Variants in ZNF423 observed in about 807,000 individuals in gnomAD.
The protein encoded by ZNF423 is zinc finger protein 423, also known as Ebf-associated zinc finger protein.
A neutral mutation model predicts 95.8 loss-of-function variants in ZNF423; 12 were observed. That is an observed-to-expected ratio of 0.13 (90% confidence interval 0.08 to 0.20). The LOEUF (loss-of-function observed/expected upper bound fraction) is 0.20, where lower values mean the gene tolerates loss of function less well. Among genes scored for constraint, ZNF423 ranks in the 10% least tolerant of loss-of-function variants. The pLI is 1.00. For synonymous variants in ZNF423, 749 were observed against 711.9 expected (o/e 1.05, Z -0.83); for missense variants, 1,316 against 1,737.1 (o/e 0.76, Z 4.31).
chr16:49,807,822 C>T (rs2143940441), intron 1 of ZNF423, among the ~76,000 whole-genome samples: 1 of 152,332 alleles, frequency 6.6e-6, no homozygotes, highest in East Asian at 1.9e-4. Context: ...ACAGGGTCTG[C>T]CTGGGCACAG....
rs1369900421 is a variant in ZNF423, at chr16:49,487,908, A to ACACGGG, written c.*3366_*3367insCCCGTG. 1.2e-4 allele frequency: 18 copies of ACACGGG among 152,164 alleles called. No individual in the cohort carries two copies. Among genetic ancestry groups the ACACGGG allele is most frequent in the African/African-American group, 3.6e-4 (15 of 41,428 alleles). 9.4% of individuals were successfully genotyped at this position (152,164 alleles called of 1,614,324 possible). On this transcript the variant is annotated 3_prime_UTR_variant, in exon 8 of 8. Transcript: ENST00000563137. ...GTCTCATACACGGGTCCCTCCATTA[A>ACACGGG]TCCCTGGCAGCTTCTGGCTTTGCCA...
At chr16:49,696,767 C>G (rs966196572) in intron 3 of ZNF423, among the ~76,000 whole-genome samples, 3 of 152,176 alleles carry the variant, frequency 2.0e-5, no homozygotes, top group Non-Finnish European at 4.4e-5. Flanking sequence ...GCAAGCCCCC[C>G]CCACCCAGGG....
intron 1 of ZNF423, among the ~76,000 whole-genome samples, chr16:49,798,454 G>A (rs912634036): frequency 6.6e-6 from 1 of 152,034 alleles, no homozygotes; most frequent in South Asian, 2.1e-4. Context: ...GTTGCAGTGA[G>A]CCAAGATCAC....
intron 3 of ZNF423, among the ~76,000 whole-genome samples, chr16:49,657,547 A>G (rs1427642565): frequency 6.6e-6 from 1 of 152,120 alleles, no homozygotes; most frequent in Non-Finnish European, 1.5e-5. Flanking sequence ...AAGGGAGGGG[A>G]GGTGATGCCC....
chr16:49,731,640 C>T (rs1006113713), intron 2 of ZNF423, among the ~76,000 whole-genome samples: 22 of 150,810 alleles, frequency 1.5e-4, no homozygotes, highest in Non-Finnish European at 2.4e-4. Context: ...TAGCAAGACT[C>T]TATCTCTACA....
At chr16:49,599,131 C>G (rs1026807241) in intron 5 of ZNF423, among the ~76,000 whole-genome samples, 16 of 152,188 alleles carry the variant, frequency 1.1e-4, no homozygotes, top group African/African-American at 3.1e-4. Flanking sequence ...ACACAACATG[C>G]TTGTCTGCCT....
In ZNF423 at chr16:49,747,135, C is replaced by T. The variant is rs925930785; in HGVS notation, c.101-16164G>A. 4.6e-5 allele frequency among the ~76,000 whole-genome samples: 7 copies of T among 152,150 alleles called. No individual in the cohort carries two copies. In the South Asian group the frequency reaches 6.2e-4, roughly 14 times the overall value. On this transcript the variant is annotated intron_variant, in intron 2 of 7. Transcript: ENST00000563137. ...AAAACTCCTGTTTGTGAAAGTCCGC[C>T]GTGAGAGTATCTGCTGCAGGATGAT...
At chr16:49,840,067 T>C (rs1275120817) in intron 1 of ZNF423, among the ~76,000 whole-genome samples, 5 of 152,146 alleles carry the variant, frequency 3.3e-5, no homozygotes, top group African/African-American at 7.2e-5. Flanking sequence ...TCAGTAAACA[T>C]GTGCGAGGAA....
chr16:49,760,375 A>C (rs954344432), intron 2 of ZNF423, among the ~76,000 whole-genome samples: 1 of 152,080 alleles, frequency 6.6e-6, no homozygotes, highest in African/African-American at 2.4e-5. Flanking sequence ...TGAACTAATG[A>C]ATAAATTTGT....
rs1350308832 is a variant in ZNF423 at position 49,635,066 on chromosome 16, A to G, written c.3516+594T>C. ...CACATCAAAGGGCCTTCCACATACC[A>G]GCAACTGCACTAACTGAAATGATGC... On this transcript the variant is annotated intron_variant, in intron 4 of 7. Transcript: ENST00000563137. This position sits in a 1 kb window ranked among gnomAD's most constrained non-coding sequence, Gnocchi z 4.8. Among the ~76,000 whole-genome samples the G allele has an allele frequency of 9.8e-5, 15 of 152,372 alleles. No individual in the cohort carries two copies. Among genetic ancestry groups the G allele is most frequent in the Non-Finnish European group, 1.0e-4 (7 of 68,024 alleles).
intron 7 of ZNF423, among the ~76,000 whole-genome samples, chr16:49,494,462 G>T (rs761041821): frequency 1.3e-5 from 2 of 152,228 alleles, no homozygotes; most frequent in African/African-American, 2.4e-5. Flanking sequence ...GGCACAGTGA[G>T]GGGGAGGGGA....
intron 5 of ZNF423, among the ~76,000 whole-genome samples, chr16:49,535,354 C>T (rs2151728239): frequency 6.6e-6 from 1 of 152,362 alleles, no homozygotes; most frequent in South Asian, 2.1e-4. Context: ...GACACATCCA[C>T]CTCCCGCCTC....
intron 3 of ZNF423, among the ~76,000 whole-genome samples, chr16:49,665,183 A>G (rs959869249): frequency 6.6e-6 from 1 of 152,258 alleles, no homozygotes; most frequent in Non-Finnish European, 1.5e-5. Flanking sequence ...GGGTTCTGCC[A>G]TCAAGAGCTT....
intron 2 of ZNF423, among the ~76,000 whole-genome samples, chr16:49,759,658 A>G (rs1300493232): frequency 1.3e-5 from 2 of 152,200 alleles, no homozygotes; most frequent in African/African-American, 4.8e-5. Context: ...AAATCCAGAC[A>G]CCCTCTGAAA....
intron 3 of ZNF423, among the ~76,000 whole-genome samples, chr16:49,687,840 T>C (rs892515875): frequency 2.6e-5 from 4 of 152,036 alleles, no homozygotes; most frequent in African/African-American, 9.7e-5. Flanking sequence ...GCCCCCCACA[T>C]GTGAGACAGG....
chr16:49,600,290 A>G (rs1014456383), intron 5 of ZNF423, among the ~76,000 whole-genome samples: 23 of 152,028 alleles, frequency 1.5e-4, no homozygotes, highest in Admixed American at 1.4e-3. Flanking sequence ...ACAGCACTCC[A>G]GCCTGGGCGA....
intron 5 of ZNF423, among the ~76,000 whole-genome samples, chr16:49,606,161 G>A (rs1971529673): frequency 6.6e-6 from 1 of 152,176 alleles, no homozygotes; most frequent in Non-Finnish European, 1.5e-5. Context: ...ACATGTAGGA[G>A]TCACTTTCCT....
At chr16:49,567,516 C>G (rs566857260) in intron 5 of ZNF423, among the ~76,000 whole-genome samples, 1 of 152,322 alleles carries the variant, frequency 6.6e-6, no homozygotes, top group South Asian at 2.1e-4. Flanking sequence ...TCAGACCCAG[C>G]CCTGCCATCT....
At chr16:49,702,973 T>C (rs997785399) in intron 3 of ZNF423, among the ~76,000 whole-genome samples, 2 of 151,858 alleles carry the variant, frequency 1.3e-5, no homozygotes, top group Non-Finnish European at 2.9e-5. Context: ...TAAAGCACCA[T>C]ATGCTCATGT....
Sources: gnomAD v4.1 joint callset for allele counts (sites outside exome capture counted in the v4.1 genomes callset) on GRCh38, gnomAD v4.1.1 for gene constraint, Gnocchi (gnomAD v3.1) non-coding constraint, MANE v1.5 for transcripts, NCBI Gene and HGNC (gene_info 2026-07-23, HGNC 2026-07-21) for gene names.